The following NOTCH3 variants were observed in gnomAD, a reference collection of about 807,000 sequenced individuals.
NOTCH3 encodes neurogenic locus notch homolog protein 3.
Under a neutral mutation model 213.3 loss-of-function variants are expected in NOTCH3, and 86 were observed. The ratio of observed to expected loss-of-function variants is 0.40; its 90% CI spans 0.34 to 0.48. NOTCH3 has a LOEUF of 0.48. Among genes scored for constraint, NOTCH3 ranks in the 20% least tolerant of loss-of-function variants. The probability of loss-of-function intolerance (pLI) is 0.57; values close to 1 mark genes in which losing one functional copy is unlikely to be tolerated. For synonymous variants in NOTCH3, 1,354 were observed against 1,355.9 expected, an observed-to-expected ratio of 1.00 and a Z score of 0.03; for missense variants, 2,783 against 3,272.6, an observed-to-expected ratio of 0.85 and a Z score of 3.65.
At position 15,161,452 on chromosome 19, in the gene NOTCH3, C is replaced by A; in HGVS notation, c.6176G>T (p.Gly2059Val). The part of the protein sequence containing the change: ...FLPGLKAAQS[G>V]SKKSRRPPGK... ...GGGGGGCCTCCTGCTCTTCTTGGAC[C>A]CCGACTGTGCCGCTTTGAGGCCAGG... Residue 2059 changes from glycine to valine, a missense_variant, in exon 33 of 33, where the codon GGG (glycine) becomes GTG (valine). By Grantham distance (109) the Gly-to-Val change is moderately radical (BLOSUM62 -3). This residue lies in a region of NOTCH3 where 441 missense variants were observed against 432.1 expected (regional missense o/e 1.02). Transcript: ENST00000263388. 1 of 1,559,734 alleles carries A rather than the reference C, an allele frequency of 6.4e-7. No individual in the cohort carries two copies. The highest frequency in any genetic ancestry group is 1.4e-5 in the African/African-American group (1 of 73,886).
chr19:15,190,534 C>G (rs1439741242), intron 6 of NOTCH3, among the ~76,000 whole-genome samples: 1 of 152,176 alleles, frequency 6.6e-6, no homozygotes, highest in Non-Finnish European at 1.5e-5. Context: ...TCCTCCCAAG[C>G]CTCTCCCAGG....
chr19:15,170,853 G>A (rs1366563213), intron 25 of NOTCH3, 28 bp from the exon 26 acceptor site: 2 of 1,611,608 alleles, frequency 1.2e-6, no homozygotes, highest in Non-Finnish European at 1.7e-6. Context: ...AGGGACCAGA[G>A]GGCTCAAAAA....
At chr19:15,197,046 GTGGGAC>G (rs1449915060) in intron 2 of NOTCH3, among the ~76,000 whole-genome samples, 2 of 152,216 alleles carry the variant, frequency 1.3e-5, no homozygotes, top group Non-Finnish European at 2.9e-5. Flanking sequence ...AAGTGGCAGT[GTGGGAC>G]TGTATTATAG....
chr19:15,198,222 C>T (rs1187104761), intron 1 of NOTCH3, among the ~76,000 whole-genome samples: 1 of 152,184 alleles, frequency 6.6e-6, no homozygotes, highest in African/African-American at 2.4e-5. Context: ...GGCTGTGTCC[C>T]TCTAGGGTGT....
chr19:15,183,208 C>T (rs954157930), intron 16 of NOTCH3, among the ~76,000 whole-genome samples: 2 of 152,126 alleles, frequency 1.3e-5, no homozygotes, highest in East Asian at 3.9e-4. Flanking sequence ...GAGCCAAGAT[C>T]GCACCACTGC....
chr19:15,195,844 G>A (rs914715796), intron 2 of NOTCH3, among the ~76,000 whole-genome samples: 1 of 151,620 alleles, frequency 6.6e-6, no homozygotes, highest in African/African-American at 2.4e-5. Flanking sequence ...CCGCGCCCCC[G>A]CCGACCGGTC....
At chr19:15,197,638 G>A in intron 1 of NOTCH3, 60 bp from the exon 2 acceptor site, 1 of 1,488,134 alleles carries the variant, frequency 6.7e-7, no homozygotes, top group Middle Eastern at 2.3e-4. Flanking sequence ...CCAGGCCCAA[G>A]TGACAAACCC....
At position 15,178,405 on chromosome 19, in the gene NOTCH3, T is replaced by C; in HGVS notation, c.3838-315A>G. On this transcript the variant is annotated intron_variant, in intron 23 of 32. Coordinates refer to ENST00000263388, the MANE Select transcript of NOTCH3 (RefSeq NM_000435.3). ...GGGCAGGGGGTTGTTTCTTTGTTTTTTGAGACGGAGTGTCACTCAGTCGCC... is the reference window on the plus strand; with the variant it reads ...GGGCAGGGGGTTGTTTCTTTGTTTTCTGAGACGGAGTGTCACTCAGTCGCC... 9.3e-6 allele frequency: 4 copies of C among 429,914 alleles called. No individual in the cohort carries two copies. In the South Asian group the frequency reaches 1.1e-4, roughly 12 times the overall value. 26.6% of individuals were successfully genotyped at this position (429,914 alleles called of 1,614,324 possible).
Position 15,180,106 on chromosome 19 carries a change from G to A in NOTCH3, c.3293C>T (p.Thr1098Ile). ...CLAQPCQHGGTCRGYMGGYMC... is the reference protein window; with the variant it reads ...CLAQPCQHGGICRGYMGGYMC... ...GTAGCCCCCCATATAGCCACGGCAGGTCCCCCCATGCTGGCAGGGCTGGGC... is the reference window on the plus strand; with the variant it reads ...GTAGCCCCCCATATAGCCACGGCAGATCCCCCCATGCTGGCAGGGCTGGGC... The change falls in exon 20 of 33, where the codon ACC becomes ATC. Residue 1098 changes from threonine to isoleucine, a missense_variant. This residue lies in a region of NOTCH3 where 861 missense variants were observed against 909.1 expected (regional missense o/e 0.95). Coordinates refer to ENST00000263388, the MANE Select transcript of NOTCH3 (RefSeq NM_000435.3). The A allele has an allele frequency of 3.1e-6, 5 of 1,612,414 alleles. No individual in the cohort carries two copies. Among genetic ancestry groups the A allele is most frequent in the Non-Finnish European group, 3.4e-6 (4 of 1,179,654 alleles).
intron 6 of NOTCH3, among the ~76,000 whole-genome samples, chr19:15,190,788 T>A (rs1208744030): frequency 6.6e-6 from 1 of 152,196 alleles, no homozygotes; most frequent in Non-Finnish European, 1.5e-5. Flanking sequence ...GGTTTTGCCA[T>A]GTTGCCCAGG....
chr19:15,192,054 C>T lies in NOTCH3; in HGVS notation c.585G>A (p.Glu195=), dbSNP rs1190207821. ...CPAGYTGPLC[E]NPAVPCAPSP... ...AGGGTGCACAGGGCACCGCGGGGTT[C>T]TCACATAGTGGCCCTGTGTAGCCAG... The change falls in exon 4 of 33, where the codon GAG becomes GAA. Residue 195 remains glutamate (E), a synonymous_variant. Transcript: ENST00000263388. 1 of 1,613,116 alleles carries T rather than the reference C, an allele frequency of 6.2e-7. No individual in the cohort carries two copies. The highest frequency in any genetic ancestry group is 8.5e-7 in the Non-Finnish European group (1 of 1,179,974).
rs2145434669 is a variant in NOTCH3, at chr19:15,188,092, T to TG, written c.1493-99dup. 2.7e-6 allele frequency: 3 copies of TG among 1,093,684 alleles called. No homozygotes were observed. The East Asian group carries it at 7.7e-5, about 28-fold the overall frequency. The allele number at this position is 1,093,684 out of a possible 1,614,324, so 67.7% of individuals were successfully genotyped here. Reference sequence around the variant, plus strand: ...GTTTGGGTGGAAAAACCCATTTACTTGGATTTAAATTAACTTCAATGTTTC... The same window carrying TG: ...GTTTGGGTGGAAAAACCCATTTACTTGGGATTTAAATTAACTTCAATGTTTC... On this transcript the variant is annotated intron_variant, in intron 9 of 32. Coordinates refer to ENST00000263388, the MANE Select transcript of NOTCH3 (RefSeq NM_000435.3).
chr19:15,187,331 C>G lies in NOTCH3; in HGVS notation c.1614G>C (p.Glu538Asp), dbSNP rs1406447537. 1 of 1,612,968 alleles carries G rather than the reference C, an allele frequency of 6.2e-7. No individual in the cohort carries two copies. Among genetic ancestry groups the G allele is most frequent in the Non-Finnish European group, 8.5e-7 (1 of 1,179,656 alleles). Residue 538 changes from glutamate (E) to aspartate (D), a missense_variant, in exon 11 of 33, where the codon GAG becomes GAC. Coordinates refer to ENST00000263388, the MANE Select transcript of NOTCH3 (RefSeq NM_000435.3). ...GYECRCAEGF[E>D]GTLCDRNVDD... Reference sequence around the variant, plus strand: ...CCACGTTGCGATCACACAGCGTGCCCTCAAAGCCTGTGGGGCCAAGAGGGT... The same window carrying G: ...CCACGTTGCGATCACACAGCGTGCCGTCAAAGCCTGTGGGGCCAAGAGGGT...
chr19:15,169,268 C>T (rs1241492728), intron 28 of NOTCH3, among the ~76,000 whole-genome samples: 1 of 151,732 alleles, frequency 6.6e-6, no homozygotes, highest in Non-Finnish European at 1.5e-5. Flanking sequence ...TGTGAGGCTA[C>T]AGTGAGAAGG....
intron 2 of NOTCH3, among the ~76,000 whole-genome samples, chr19:15,194,513 G>A (rs944419494): frequency 7.2e-5 from 11 of 152,174 alleles, no homozygotes; most frequent in African/African-American, 2.7e-4. Flanking sequence ...TAGAGCAGCC[G>A]TAGGAAGCTA....
At position 15,188,241 on chromosome 19, in the gene NOTCH3, G is replaced by A. The variant is rs1300888829; in HGVS notation, c.1486C>T (p.Pro496Ser). The change falls in exon 9 of 33, where the codon CCC (proline) becomes TCC (serine). Residue 496 changes from proline to serine, a missense_variant. Pro to Ser is a moderately conservative substitution (Grantham distance 74). This residue lies in a region of NOTCH3 where 708 missense variants were observed against 906.6 expected (regional missense o/e 0.78). Coordinates refer to ENST00000263388, the MANE Select transcript of NOTCH3 (RefSeq NM_000435.3). ...DRVNGFSCTC[P>S]SGFSGSTCQL... ...CCTCTCCTGAGGTCCTCACCCGAGG[G>A]GCAGGTGCAGCTGAAGCCATTGACT... The A allele has an allele frequency of 1.3e-6, 2 of 1,596,560 alleles. No homozygotes were observed. The highest frequency in any genetic ancestry group is 1.1e-5 in the South Asian group (1 of 88,404).
rs990804491 is a variant in NOTCH3 at position 15,159,882 on chromosome 19, C to G, written c.*780G>C. 2.6e-5 allele frequency: 6 copies of G among 233,706 alleles called. No individual in the cohort carries two copies. The highest frequency in any genetic ancestry group is 5.6e-5 in the Admixed American group (1 of 17,784). 14.5% of individuals were successfully genotyped at this position (233,706 alleles called of 1,614,324 possible). ...AGGAATGCATACATCTGCCCTGGCT[C>G]CCATTTCCCACCAGCAGCCCCCTAG... On this transcript the variant is annotated 3_prime_UTR_variant, in exon 33 of 33. Transcript: ENST00000263388.
Position 15,167,595 on chromosome 19 carries a change from C to T in NOTCH3, c.5200-184G>A, listed in dbSNP as rs185643335. Among the ~76,000 whole-genome samples, 382 of 152,258 alleles carry T rather than the reference C, an allele frequency of 2.5e-3. 1 individual carries two copies. The highest frequency in any genetic ancestry group is 0.01 in the Middle Eastern group (3 of 294). ...TTGAGACAGAGTCTCGCTCTGTCCC[C>T]CAGGCTGGAGTGCAGTGGCATGATC... On this transcript the variant is annotated intron_variant, in intron 28 of 32. Transcript: ENST00000263388.
At position 15,189,012 on chromosome 19, in the gene NOTCH3, T is replaced by C; in HGVS notation, c.1355A>G (p.Gln452Arg). 6.2e-7 allele frequency: 1 copy of C among 1,611,776 alleles called. No homozygotes were observed. Among genetic ancestry groups the C allele is most frequent in the South Asian group, 1.1e-5 (1 of 90,842 alleles). The change falls in exon 8 of 33, where the codon CAG (glutamine) becomes CGG (arginine). Residue 452 changes from glutamine (Q) to arginine (R), a missense_variant. Gln to Arg is a conservative substitution (Grantham distance 43, BLOSUM62 1). Coordinates refer to ENST00000263388, the MANE Select transcript of NOTCH3 (RefSeq NM_000435.3). ...NQATCLDRIG[Q>R]FTCICMAGFT... ...ACCTGCCATACAGATACAGGTGAAC[T>C]GGCCTATGCGGTCGAGGCACGTGGC...
Sources: allele counts gnomAD v4.1 joint callset (sites outside exome capture counted in the v4.1 genomes callset), GRCh38; gene constraint gnomAD v4.1.1; regional missense constraint gnomAD v4.1.1; transcripts MANE v1.5; gene names NCBI Gene and HGNC (gene_info 2026-07-23, HGNC 2026-07-21).